Variants in NAALADL2 observed in about 807,000 individuals in gnomAD.
NAALADL2 encodes the protein inactive N-acetylated-alpha-linked acidic dipeptidase-like protein 2.
NAALADL2 carries 76 observed loss-of-function variants against 87.2 expected under a neutral mutation model. That is an observed-to-expected ratio of 0.87 (90% confidence interval 0.72 to 1.05). The LOEUF (loss-of-function observed/expected upper bound fraction) is 1.05, where lower values mean the gene tolerates loss of function less well. Ranked by LOEUF, NAALADL2 falls within the 50% of genes least tolerant of loss-of-function variation. NAALADL2 has a pLI of 0.00. For synonymous variants in NAALADL2, 354 were observed against 331.0 expected (o/e 1.07, Z -0.75); for missense variants, 1,089 against 945.8 (o/e 1.15, Z -1.99).
intron 2 of NAALADL2, among the ~76,000 whole-genome samples, chr3:175,173,301 AAATAAATAAAAT>A: frequency 1.1e-5 from 1 of 89,218 alleles, no homozygotes; most frequent in African/African-American, 3.4e-5. Flanking sequence ...CAAAATAAAT[AAATAAATAAAAT>A]AAATAAATAA....
chr3:174,771,453 G>C (rs1714544009), intron 3 of NAALADL2, among the ~76,000 whole-genome samples: 1 of 152,134 alleles, frequency 6.6e-6, no homozygotes, highest in Non-Finnish European at 1.5e-5. Flanking sequence ...GAAAAGATAG[G>C]GAGGGTAATG....
intron 2 of NAALADL2, among the ~76,000 whole-genome samples, chr3:175,226,215 T>C (rs1257145938): frequency 6.6e-6 from 1 of 152,140 alleles, no homozygotes; most frequent in Non-Finnish European, 1.5e-5. Flanking sequence ...AGATAATCCA[T>C]TTCTGAACTG....
intron 1 of NAALADL2, among the ~76,000 whole-genome samples, chr3:174,936,223 G>A (rs1404525654): frequency 2.0e-5 from 3 of 152,084 alleles, no homozygotes; most frequent in Non-Finnish European, 4.4e-5. Context: ...CATTTCCAAG[G>A]AGATAGTAGT....
At chr3:174,770,769 G>A (rs1427513361) in intron 3 of NAALADL2, among the ~76,000 whole-genome samples, 1 of 151,470 alleles carries the variant, frequency 6.6e-6, no homozygotes, top group Admixed American at 6.6e-5. Context: ...GAACCGGGAG[G>A]CAGAGCTTGC....
intron 2 of NAALADL2, among the ~76,000 whole-genome samples, chr3:174,639,184 CT>C (rs750850957): frequency 3.0e-4 from 46 of 152,094 alleles, no homozygotes; most frequent in Non-Finnish European, 6.0e-4. Context: ...TTAAGAATTT[CT>C]GTTATTTTCT....
chr3:175,374,370 A>G (rs1766856100), intron 5 of NAALADL2, among the ~76,000 whole-genome samples: 1 of 151,550 alleles, frequency 6.6e-6, no homozygotes, highest in Non-Finnish European at 1.5e-5. Context: ...CTTGGCCCAC[A>G]TGGTGAGACC....
chr3:174,490,754 A>G (rs1261400114), intron 1 of NAALADL2, among the ~76,000 whole-genome samples: 2 of 152,072 alleles, frequency 1.3e-5, no homozygotes, highest in African/African-American at 2.4e-5. Context: ...CTATTCAAAG[A>G]GCGCTCCTTT....
At position 175,025,546 on chromosome 3, in the gene NAALADL2, C is replaced by A. The variant is rs566997949; in HGVS notation, c.44-71244C>A. 2.0e-5 allele frequency among the ~76,000 whole-genome samples: 3 copies of A among 152,050 alleles called. No individual in the cohort carries two copies. The East Asian group carries it at 5.8e-4, about 29-fold the overall frequency. ...TATTGAAAGTGCAAAATTTTGGCAA[C>A]GGCTATTGTTATCAAAGAAAGTACC... On this transcript the variant is annotated intron_variant, in intron 1 of 13. Coordinates refer to ENST00000454872, the MANE Select transcript of NAALADL2 (RefSeq NM_207015.3).
At chr3:174,635,692 G>A (rs1250281484) in intron 2 of NAALADL2, among the ~76,000 whole-genome samples, 4 of 151,912 alleles carry the variant, frequency 2.6e-5, no homozygotes, top group Non-Finnish European at 2.9e-5. Flanking sequence ...TAGTAGAGAC[G>A]GGGTTTCACC....
intron 2 of NAALADL2, among the ~76,000 whole-genome samples, chr3:174,611,754 C>T (rs1719915585): frequency 6.6e-6 from 1 of 151,332 alleles, no homozygotes; most frequent in South Asian, 2.1e-4. Context: ...CCACGCCTGG[C>T]TAATTTTTGT....
chr3:174,921,045 C>G (rs1342009134), intron 1 of NAALADL2, among the ~76,000 whole-genome samples: 1 of 152,070 alleles, frequency 6.6e-6, no homozygotes, highest in Non-Finnish European at 1.5e-5. Flanking sequence ...TCACTGATTA[C>G]AGATCACAAT....
chr3:175,746,912 C>T (rs531859740), intron 12 of NAALADL2, among the ~76,000 whole-genome samples: 1 of 152,262 alleles, frequency 6.6e-6, no homozygotes, highest in South Asian at 2.1e-4. Context: ...TGTTCAAGTT[C>T]CTCATATAAA....
At position 175,805,802 on chromosome 3, in the gene NAALADL2, T is replaced by C. The variant is rs1754655567; in HGVS notation, c.*2599T>C. The C allele has an allele frequency of 6.6e-6, 1 of 151,926 alleles. No individual in the cohort carries two copies. The highest frequency in any genetic ancestry group is 2.1e-4 in the South Asian group (1 of 4,834). 9.4% of individuals were successfully genotyped at this position (151,926 alleles called of 1,614,324 possible). On this transcript the variant is annotated 3_prime_UTR_variant, in exon 14 of 14. Coordinates refer to ENST00000454872, the MANE Select transcript of NAALADL2 (RefSeq NM_207015.3). The stretch of plus-strand genomic sequence containing the variant: ...GTGGTAAAGGTGTAACGGTGAAATT[T>C]ATGTTCAGGCAGGGTACACATGAGA...
At chr3:175,507,738 A>ATGCT (rs1730551867) in intron 9 of NAALADL2, among the ~76,000 whole-genome samples, 1 of 152,054 alleles carries the variant, frequency 6.6e-6, no homozygotes, top group African/African-American at 2.4e-5. Flanking sequence ...GGCATTATTA[A>ATGCT]TGCTTTATTT....
At chr3:175,253,247 C>A (rs1393943776) in intron 3 of NAALADL2, among the ~76,000 whole-genome samples, 1 of 152,144 alleles carries the variant, frequency 6.6e-6, no homozygotes, top group African/African-American at 2.4e-5. Context: ...AAGTTGAAGC[C>A]AGTGCTCATT....
intron 11 of NAALADL2, among the ~76,000 whole-genome samples, chr3:175,701,409 T>A (rs1356566706): frequency 6.6e-6 from 1 of 152,198 alleles, no homozygotes; most frequent in African/African-American, 2.4e-5. Flanking sequence ...TACTTTTATA[T>A]GGGATCTGGC....
chr3:175,563,289 A>G (rs1168329429), intron 9 of NAALADL2, among the ~76,000 whole-genome samples: 1 of 152,160 alleles, frequency 6.6e-6, no homozygotes, highest in East Asian at 1.9e-4. Flanking sequence ...TCAAGCACCT[A>G]CTTTTCACAA....
chr3:175,086,372 G>A (rs1718910829), intron 1 of NAALADL2, among the ~76,000 whole-genome samples: 1 of 151,030 alleles, frequency 6.6e-6, no homozygotes. Context: ...GCTGAAGGGA[G>A]GAAAACATAT....
At chr3:174,907,716 T>G (rs191917222) in intron 1 of NAALADL2, among the ~76,000 whole-genome samples, 1 of 152,110 alleles carries the variant, frequency 6.6e-6, no homozygotes, top group Non-Finnish European at 1.5e-5. Flanking sequence ...ATTGGTGGTG[T>G]TCATTAGTAA....
Sources: allele counts gnomAD v4.1 joint callset (sites outside exome capture counted in the v4.1 genomes callset), GRCh38; gene constraint gnomAD v4.1.1; transcripts MANE v1.5; gene names NCBI Gene and HGNC (gene_info 2026-07-23, HGNC 2026-07-21).